ARHGAP15: variants seen among roughly 807,000 people sequenced by gnomAD.
ARHGAP15 encodes Rho GTPase activating protein 15, also known as rho GTPase-activating protein 15.
ARHGAP15 carries 51 observed loss-of-function variants against 63.7 expected under a neutral mutation model. The ratio of observed to expected loss-of-function variants is 0.80; its 90% confidence interval spans 0.64 to 1.01. The LOEUF (loss-of-function observed/expected upper bound fraction) is 1.01, where lower values mean the gene tolerates loss of function less well. ARHGAP15 is among the 50% of genes least tolerant of loss of function. The probability of loss-of-function intolerance (pLI) is 0.00; values close to 1 mark genes in which losing one functional copy is unlikely to be tolerated. For synonymous variants in ARHGAP15, 191 were observed against 193.8 expected (o/e 0.99, Z 0.12); for missense variants, 560 against 564.6 (o/e 0.99, Z 0.08).
intron 8 of ARHGAP15, among the ~76,000 whole-genome samples, chr2:143,475,622 C>G (rs1691777679): frequency 6.6e-6 from 1 of 152,134 alleles, no homozygotes; most frequent in African/African-American, 2.4e-5. Flanking sequence ...GAGCATGGGC[C>G]CCAGGCCAGG....
At chr2:143,571,980 A>T (rs1454743386) in intron 11 of ARHGAP15, 1 of 152,166 alleles carries the variant, frequency 6.6e-6, no homozygotes, top group Non-Finnish European at 1.5e-5. Flanking sequence ...TCTTGGCATA[A>T]ATCTCAACAG....
At chr2:143,505,096 ACTTAGC>A (rs1172031893) in intron 9 of ARHGAP15, among the ~76,000 whole-genome samples, 2 of 152,170 alleles carry the variant, frequency 1.3e-5, no homozygotes, top group African/African-American at 4.8e-5. Flanking sequence ...AGTCCCTGGG[ACTTAGC>A]CAGAGTACAT....
intron 13 of ARHGAP15, among the ~76,000 whole-genome samples, chr2:143,762,165 A>C (rs16823000): frequency 1.3e-5 from 2 of 151,982 alleles, no homozygotes; most frequent in Non-Finnish European, 1.5e-5. Flanking sequence ...TATCTTTGCT[A>C]TGATTTCTTG....
chr2:143,353,691 G>C (rs1685677404), intron 6 of ARHGAP15, among the ~76,000 whole-genome samples: 1 of 152,140 alleles, frequency 6.6e-6, no homozygotes, highest in Non-Finnish European at 1.5e-5. Flanking sequence ...AAAATTGTGA[G>C]ATGGTTGCAG....
At chr2:143,701,869 C>A (rs1042537437) in intron 12 of ARHGAP15, among the ~76,000 whole-genome samples, 6 of 152,194 alleles carry the variant, frequency 3.9e-5, no homozygotes, top group African/African-American at 1.4e-4. Flanking sequence ...ACAGCCACTC[C>A]ATCTACATTC....
chr2:143,763,694 G>GTATGTGTATGTA (rs138223138), intron 13 of ARHGAP15, among the ~76,000 whole-genome samples: 2 of 142,544 alleles, frequency 1.4e-5, no homozygotes, highest in African/African-American at 5.7e-5. Context: ...ATATGTATAT[G>GTATGTGTATGTA]TATGTGTATG....
intron 12 of ARHGAP15, chr2:143,656,039 T>C (rs2105309808): frequency 6.6e-6 from 1 of 152,332 alleles, no homozygotes; most frequent in South Asian, 2.1e-4. Context: ...CTGCTTGATT[T>C]CTGGATGGCA....
intron 6 of ARHGAP15, among the ~76,000 whole-genome samples, chr2:143,393,592 C>G (rs7578553): frequency 2.0e-5 from 3 of 151,782 alleles, no homozygotes; most frequent in Non-Finnish European, 4.4e-5. Flanking sequence ...TTAGCCAGGC[C>G]TGGTGCTGCG....
Position 143,679,194 on chromosome 2 carries a change from C to T in ARHGAP15, c.1139-24225C>T, listed in dbSNP as rs577068003. 5.9e-5 allele frequency among the ~76,000 whole-genome samples: 9 copies of T among 152,112 alleles called. No homozygotes were observed. The South Asian group carries it at 1.2e-3, about 21-fold the overall frequency. On this transcript the variant is annotated intron_variant, in intron 12 of 13. Transcript: ENST00000295095. ...CAGAATCTTCAAAAATCCTGGGATT[C>T]GGCTCTTAAGTGGGTTTGTGCATTA...
intron 6 of ARHGAP15, among the ~76,000 whole-genome samples, chr2:143,401,330 A>G (rs1386807506): frequency 6.6e-6 from 1 of 152,046 alleles, no homozygotes; most frequent in Non-Finnish European, 1.5e-5. Context: ...GTATTTTGTT[A>G]GCTGCACTTC....
intron 9 of ARHGAP15, among the ~76,000 whole-genome samples, chr2:143,490,124 C>T (rs1238463912): frequency 2.0e-5 from 3 of 152,004 alleles, no homozygotes; most frequent in East Asian, 1.9e-4. Context: ...CTCAGCCTCC[C>T]GAGTAGCTGG....
At chr2:143,588,095 A>T (rs1286741487) in intron 11 of ARHGAP15, among the ~76,000 whole-genome samples, 1 of 152,198 alleles carries the variant, frequency 6.6e-6, no homozygotes, top group Non-Finnish European at 1.5e-5. Flanking sequence ...CTAATAATAT[A>T]AATTCCTCCC....
intron 8 of ARHGAP15, among the ~76,000 whole-genome samples, chr2:143,477,931 T>TGCAGAAGTAAATGTATTC (rs1442983547): frequency 6.6e-6 from 1 of 152,178 alleles, no homozygotes; most frequent in African/African-American, 2.4e-5. Flanking sequence ...CTAAGGAGTT[T>TGCAGAAGTAAATGTATTC]GCAGAAGTAA....
intron 4 of ARHGAP15, among the ~76,000 whole-genome samples, chr2:143,217,940 G>GA (rs1382516399): frequency 6.6e-6 from 1 of 152,140 alleles, no homozygotes; most frequent in Admixed American, 6.5e-5. Flanking sequence ...ATAATTTCAA[G>GA]AAAGCAGAAG....
intron 12 of ARHGAP15, among the ~76,000 whole-genome samples, chr2:143,673,740 G>GTT (rs1220407141): frequency 1.1e-4 from 3 of 28,454 alleles, no homozygotes; most frequent in African/African-American, 1.8e-4. Context: ...GTGTGTGTGT[G>GTT]TGTGTGTGTG....
At chr2:143,712,790 C>T (rs1024534640) in intron 13 of ARHGAP15, among the ~76,000 whole-genome samples, 3 of 128,850 alleles carry the variant, frequency 2.3e-5, no homozygotes, top group Non-Finnish European at 3.3e-5. Flanking sequence ...TTCTTACCTT[C>T]ACCCTTCAGC....
intron 12 of ARHGAP15, among the ~76,000 whole-genome samples, chr2:143,638,000 A>G (rs1680408924): frequency 6.6e-6 from 1 of 150,934 alleles, no homozygotes; most frequent in East Asian, 2.0e-4. Context: ...GTCAGGAAAC[A>G]ACAGGTGCTG....
intron 12 of ARHGAP15, among the ~76,000 whole-genome samples, chr2:143,673,137 A>G (rs931622816): frequency 6.6e-6 from 1 of 152,080 alleles, no homozygotes; most frequent in African/African-American, 2.4e-5. Context: ...GTAATAAATT[A>G]AAAAAAAGAA....
chr2:143,739,185 C>T (rs943109048), intron 13 of ARHGAP15, among the ~76,000 whole-genome samples: 2 of 152,132 alleles, frequency 1.3e-5, no homozygotes, highest in Admixed American at 1.3e-4. Context: ...AAACAGTGAT[C>T]GCAGGTGAAG....
Sources: gnomAD v4.1 joint callset for allele counts (sites outside exome capture counted in the v4.1 genomes callset) on GRCh38, gnomAD v4.1.1 for gene constraint, MANE v1.5 for transcripts, NCBI Gene and HGNC (gene_info 2026-07-23, HGNC 2026-07-21) for gene names.